VIT: variants seen among roughly 807,000 people sequenced by gnomAD.
VIT encodes vitrin.
A neutral mutation model predicts 78.0 loss-of-function variants in VIT; 99 were observed. The ratio of observed to expected loss-of-function variants is 1.27; its 90% CI spans 1.08 to 1.50. The LOEUF (loss-of-function observed/expected upper bound fraction) is 1.50, where lower values mean the gene tolerates loss of function less well. Ranked by LOEUF, VIT falls within the 40% of genes most tolerant of loss-of-function variation. VIT has a pLI of 0.00. For synonymous variants in VIT, 374 were observed against 334.3 expected (o/e 1.12, Z -1.29); for missense variants, 1,126 against 875.3 (o/e 1.29, Z -3.61).
intron 12 of VIT, among the ~76,000 whole-genome samples, chr2:36,799,304 G>A (rs527944339): frequency 1.2e-4 from 19 of 152,276 alleles, no homozygotes; most frequent in Admixed American, 6.5e-4. Flanking sequence ...GTCCCGGTCC[G>A]CATGGACTCA....
intron 11 of VIT, among the ~76,000 whole-genome samples, chr2:36,786,321 C>A (rs968345610): frequency 6.6e-6 from 1 of 152,204 alleles, no homozygotes; most frequent in Admixed American, 6.5e-5. Context: ...CAGTTTTATA[C>A]TGAGATGATA....
Position 36,808,484 on chromosome 2 carries a change from A to G in VIT, c.1402A>G (p.Thr468Ala). Reference sequence around the variant, plus strand: ...CTCTGTCTTCTAGGCCGTGTGCAGAACAAACGGCTTCTACTCGCTCCACGT... The same window carrying G: ...CTCTGTCTTCTAGGCCGTGTGCAGAGCAAACGGCTTCTACTCGCTCCACGT... ...PNFANKAVCR[T>A]NGFYSLHVQS... is the part of the protein sequence containing the mutation. Residue 468 changes from threonine (T) to alanine (A), a missense_variant, in exon 15 of 16, where the codon ACA (threonine) becomes GCA (alanine). Transcript: ENST00000379242. 4.4e-6 allele frequency: 7 copies of G among 1,608,626 alleles called. No individual in the cohort carries two copies. Among genetic ancestry groups the G allele is most frequent in the Non-Finnish European group, 6.0e-6 (7 of 1,175,908 alleles).
intron 1 of VIT, among the ~76,000 whole-genome samples, chr2:36,706,717 AG>A (rs1291663966): frequency 6.6e-6 from 1 of 152,186 alleles, no homozygotes; most frequent in African/African-American, 2.4e-5. Flanking sequence ...TTTACATTTC[AG>A]TGACTGTCAT....
At chr2:36,701,590 G>T (rs1334056991) in intron 1 of VIT, among the ~76,000 whole-genome samples, 3 of 150,878 alleles carry the variant, frequency 2.0e-5, no homozygotes, top group Admixed American at 1.3e-4. Flanking sequence ...AAGGCATTCT[G>T]TTTCTACATT....
chr2:36,799,578 T>TGTGG (rs1464232558), intron 12 of VIT, among the ~76,000 whole-genome samples: 1 of 151,932 alleles, frequency 6.6e-6, no homozygotes, highest in African/African-American at 2.4e-5. Flanking sequence ...ATTTGCTGGG[T>TGTGG]GTGGTGGCAT....
intron 3 of VIT, among the ~76,000 whole-genome samples, chr2:36,734,435 CTT>C (rs1667386450): frequency 6.6e-6 from 1 of 152,150 alleles, no homozygotes; most frequent in African/African-American, 2.4e-5. Flanking sequence ...CTCCTAGACT[CTT>C]GAGGATCTAG....
chr2:36,758,068 T>A (rs1356447044), intron 5 of VIT, among the ~76,000 whole-genome samples: 2 of 152,184 alleles, frequency 1.3e-5, no homozygotes, highest in African/African-American at 4.8e-5. Context: ...GTAAAAGTAT[T>A]CCCTCCAGAT....
chr2:36,730,198 G>A (rs769394048), intron 3 of VIT, among the ~76,000 whole-genome samples: 1 of 150,968 alleles, frequency 6.6e-6, no homozygotes, highest in Non-Finnish European at 1.5e-5. Flanking sequence ...TGAGGCACGA[G>A]AATCACTTGA....
intron 4 of VIT, among the ~76,000 whole-genome samples, chr2:36,746,519 CA>C (rs1558534967): frequency 6.6e-6 from 1 of 151,792 alleles, no homozygotes. Context: ...CTTTCTAGTT[CA>C]ATCTTGGGAG....
chr2:36,713,542 G>A (rs1665938162), intron 1 of VIT, among the ~76,000 whole-genome samples: 1 of 152,196 alleles, frequency 6.6e-6, no homozygotes, highest in Non-Finnish European at 1.5e-5. Context: ...ATAGGATCAT[G>A]CTGGCTGCTC....
At position 36,761,181 on chromosome 2, in the gene VIT, T is replaced by C. The variant is rs147721100; in HGVS notation, c.487+2135T>C. Among the ~76,000 whole-genome samples, 1,381 of 152,316 alleles carry C rather than the reference T, an allele frequency of 9.1e-3. 20 individuals are homozygous for C. The highest frequency in any genetic ancestry group is 0.031 in the African/African-American group (1,300 of 41,554). On this transcript the variant is annotated intron_variant, in intron 6 of 15. Transcript: ENST00000379242. Reference sequence around the variant, plus strand: ...TTGGAAATAAGATGCCCACCTGCCCTCCTGGCAGGTCCCCACAATCTTGAC... The same window carrying C: ...TTGGAAATAAGATGCCCACCTGCCCCCCTGGCAGGTCCCCACAATCTTGAC...
chr2:36,799,930 C>T (rs1448711669), intron 12 of VIT, among the ~76,000 whole-genome samples: 1 of 151,866 alleles, frequency 6.6e-6, no homozygotes, highest in Admixed American at 6.6e-5. Context: ...CACCGGTAGT[C>T]CCAGCTACTT....
intron 12 of VIT, chr2:36,787,801 G>T (rs1043068270): frequency 2.2e-6 from 1 of 456,126 alleles, no homozygotes; most frequent in Non-Finnish European, 4.4e-6. Context: ...CCCTGCACTG[G>T]TACTGGAAAA....
chr2:36,756,412 T>C (rs11124538), intron 5 of VIT, among the ~76,000 whole-genome samples: 131,318 of 152,162 alleles, frequency 0.86, 56,754 homozygotes, highest in Admixed American at 0.92. Context: ...TGAGAAGGAG[T>C]CACTTATAGA....
chr2:36,742,191 G>A (rs540251749), intron 3 of VIT, among the ~76,000 whole-genome samples: 39 of 152,246 alleles, frequency 2.6e-4, no homozygotes, highest in African/African-American at 8.2e-4. Context: ...GAGTTATTGA[G>A]GAAAAATCTT....
At chr2:36,778,948 A>G (rs528056602) in intron 9 of VIT, among the ~76,000 whole-genome samples, 1 of 152,346 alleles carries the variant, frequency 6.6e-6, no homozygotes, top group South Asian at 2.1e-4. Context: ...CTTCTGTCTT[A>G]TAAAATTTGA....
At chr2:36,754,429 A>G (rs1668644189) in intron 4 of VIT, among the ~76,000 whole-genome samples, 1 of 152,218 alleles carries the variant, frequency 6.6e-6, no homozygotes, top group South Asian at 2.1e-4. Flanking sequence ...ATTTAAAGAA[A>G]CAATTTTCCA....
chr2:36,806,083 G>A (rs976604003), intron 14 of VIT, among the ~76,000 whole-genome samples: 7 of 152,122 alleles, frequency 4.6e-5, no homozygotes, highest in African/African-American at 1.7e-4. Flanking sequence ...CCAGAGAAAG[G>A]AGGCACTGAA....
chr2:36,750,382 A>G (rs955137711), intron 4 of VIT, among the ~76,000 whole-genome samples: 1 of 152,146 alleles, frequency 6.6e-6, no homozygotes, highest in African/African-American at 2.4e-5. Flanking sequence ...GCCTGTCTTA[A>G]GGTTGCTTGT....
Sources: gnomAD v4.1 joint callset for allele counts (sites outside exome capture counted in the v4.1 genomes callset) on GRCh38, gnomAD v4.1.1 for gene constraint, MANE v1.5 for transcripts, NCBI Gene and HGNC (gene_info 2026-07-23, HGNC 2026-07-21) for gene names.